Variants in BBS9 observed in about 807,000 individuals in gnomAD.
The protein encoded by BBS9 is protein PTHB1.
BBS9 carries 89 observed loss-of-function variants against 117.7 expected under a neutral mutation model. The ratio of observed to expected loss-of-function variants is 0.76; its 90% confidence interval spans 0.64 to 0.90. The LOEUF (loss-of-function observed/expected upper bound fraction) is 0.90. Among genes scored for constraint, BBS9 ranks in the 40% least tolerant of loss-of-function variants. The pLI is 0.00. For missense variants in BBS9, 982 were observed against 1,042.2 expected (o/e 0.94, Z 0.80); for synonymous variants, 379 against 370.9 (o/e 1.02, Z -0.25).
Position 33,357,867 on chromosome 7 carries a change from T to C in BBS9, c.1565T>C (p.Val522Ala). Residue 522 changes from valine (V) to alanine (A), a missense_variant, in exon 16 of 23, where the codon GTT becomes GCT. Transcript: ENST00000242067. ...TCTTTTATTTTAGGCATTCCGCGAG[T>C]TATCCAATGTAAATTTAGACTTCCC... ...TDRNPDGIPR[V>A]IQCKFRLPLK... 6.2e-7 allele frequency: 1 copy of C among 1,612,086 alleles called. No individual in the cohort carries two copies. Among genetic ancestry groups the C allele is most frequent in the Non-Finnish European group, 8.5e-7 (1 of 1,178,476 alleles).
Position 33,591,170 on chromosome 7 carries a change from A to G in BBS9, c.2522-13695A>G, listed in dbSNP as rs569634882. 1.1e-4 allele frequency among the ~76,000 whole-genome samples: 17 copies of G among 152,038 alleles called. No homozygotes were observed. In the South Asian group the frequency reaches 2.1e-3, roughly 19 times the overall value. ...TGATGACTTTTTTTTTAAAGGCTGT[A>G]TTTCCTCAAGTTTCATGAATTCCTT... On this transcript the variant is annotated intron_variant, in intron 21 of 22. Coordinates refer to ENST00000242067, the MANE Select transcript of BBS9 (RefSeq NM_198428.3).
chr7:33,631,362 A>C (rs1865883440), intron 21 of BBS9, among the ~76,000 whole-genome samples: 1 of 152,048 alleles, frequency 6.6e-6, no homozygotes. Flanking sequence ...TTCATCCCTC[A>C]AGGCTCAGCT....
chr7:33,593,249 A>T (rs1293542632), intron 21 of BBS9, among the ~76,000 whole-genome samples: 2 of 152,176 alleles, frequency 1.3e-5, no homozygotes, highest in Non-Finnish European at 2.9e-5. Context: ...ATCAAATGGC[A>T]AGGAAAAGCA....
intron 16 of BBS9, among the ~76,000 whole-genome samples, chr7:33,366,543 CT>C (rs70989948): frequency 5.9e-4 from 53 of 89,682 alleles, no homozygotes; most frequent in South Asian, 1.3e-3. Flanking sequence ...TCTTTTCTTT[CT>C]TTTTTTTTTT....
intron 19 of BBS9, among the ~76,000 whole-genome samples, chr7:33,460,420 A>G (rs1234449092): frequency 1.3e-5 from 2 of 152,046 alleles, no homozygotes; most frequent in Non-Finnish European, 2.9e-5. Flanking sequence ...TGATTTTTAA[A>G]CCATTTTAGG....
chr7:33,210,140 T>C (rs1467752051), intron 5 of BBS9, among the ~76,000 whole-genome samples: 1 of 152,250 alleles, frequency 6.6e-6, no homozygotes, highest in Non-Finnish European at 1.5e-5. Flanking sequence ...TCTTAATTTC[T>C]TCAGTGACAC....
intron 19 of BBS9, among the ~76,000 whole-genome samples, chr7:33,489,998 A>G (rs1188212033): frequency 6.6e-6 from 1 of 152,220 alleles, no homozygotes; most frequent in African/African-American, 2.4e-5. Context: ...TTATTCTCTG[A>G]AAATGGATTC....
intron 9 of BBS9, among the ~76,000 whole-genome samples, chr7:33,291,419 T>G (rs1804023369): frequency 6.6e-6 from 1 of 152,236 alleles, no homozygotes; most frequent in African/African-American, 2.4e-5. Flanking sequence ...GGAAGATTAT[T>G]GTTACCTTCC....
intron 19 of BBS9, among the ~76,000 whole-genome samples, chr7:33,481,931 G>A (rs766168264): frequency 1.1e-4 from 16 of 152,160 alleles, no homozygotes; most frequent in Non-Finnish European, 1.9e-4. Flanking sequence ...GAGGGATGTC[G>A]TCCTGTAGTT....
intron 4 of BBS9, among the ~76,000 whole-genome samples, chr7:33,167,675 A>C (rs1258441563): frequency 6.6e-6 from 1 of 152,126 alleles, no homozygotes; most frequent in Non-Finnish European, 1.5e-5. Context: ...CTGGGAGTAC[A>C]AGCATGAGCC....
At chr7:33,451,526 G>A (rs1341584811) in intron 19 of BBS9, among the ~76,000 whole-genome samples, 1 of 151,914 alleles carries the variant, frequency 6.6e-6, no homozygotes, top group Non-Finnish European at 1.5e-5. Context: ...TTTATTTCTG[G>A]GCTCTCTGTT....
At chr7:33,379,268 T>C (rs1195442218) in intron 17 of BBS9, among the ~76,000 whole-genome samples, 1 of 152,208 alleles carries the variant, frequency 6.6e-6, no homozygotes, top group East Asian at 1.9e-4. Context: ...TGTGTCTTTT[T>C]ACTTCTGGGG....
At chr7:33,393,481 C>T (rs11974114) in intron 19 of BBS9, among the ~76,000 whole-genome samples, 345 of 152,252 alleles carry the variant, frequency 2.3e-3, no homozygotes, top group African/African-American at 8.2e-3. Flanking sequence ...TTTTATTTTG[C>T]TCTGGGCACC....
chr7:33,231,885 T>C (rs952270541), intron 5 of BBS9, among the ~76,000 whole-genome samples: 1 of 152,108 alleles, frequency 6.6e-6, no homozygotes, highest in Non-Finnish European at 1.5e-5. Context: ...TATGCCATTA[T>C]GGGATAAATA....
intron 19 of BBS9, among the ~76,000 whole-genome samples, chr7:33,432,126 A>C (rs1834576880): frequency 6.9e-6 from 1 of 144,954 alleles, no homozygotes; most frequent in African/African-American, 2.6e-5. Flanking sequence ...ACTCTGTCGC[A>C]CAGGCTGGAG....
intron 3 of BBS9, 59 bp from the exon 4 acceptor site, chr7:33,155,578 CT>C: frequency 2.6e-6 from 3 of 1,147,346 alleles, no homozygotes; most frequent in Non-Finnish European, 3.9e-6. Flanking sequence ...TATTTTACAA[CT>C]TTTTGGTTAC....
chr7:33,389,997 TTA>T (rs1231663219), intron 19 of BBS9, among the ~76,000 whole-genome samples: 1 of 152,196 alleles, frequency 6.6e-6, no homozygotes, highest in Non-Finnish European at 1.5e-5. Context: ...GCTGGGGTAA[TTA>T]TATGATTCTT....
intron 19 of BBS9, among the ~76,000 whole-genome samples, chr7:33,480,642 G>T (rs1842404573): frequency 6.6e-6 from 1 of 152,172 alleles, no homozygotes; most frequent in Non-Finnish European, 1.5e-5. Flanking sequence ...TTGGCAATTA[G>T]TTGGTAAGTT....
intron 9 of BBS9, among the ~76,000 whole-genome samples, chr7:33,300,458 G>A (rs1459893135): frequency 6.6e-6 from 1 of 152,116 alleles, no homozygotes; most frequent in Non-Finnish European, 1.5e-5. Flanking sequence ...TTCTATTTTT[G>A]TCTCTAATTA....
Sources: allele counts gnomAD v4.1 joint callset (sites outside exome capture counted in the v4.1 genomes callset), GRCh38; gene constraint gnomAD v4.1.1; transcripts MANE v1.5; gene names NCBI Gene and HGNC (gene_info 2026-07-23, HGNC 2026-07-21).